Variants in NIPBL observed in about 807,000 individuals in gnomAD.
NIPBL encodes the protein NIPBL cohesin loading factor, also known as nipped-B-like protein.
NIPBL carries 19 observed loss-of-function variants against 321.8 expected under a neutral mutation model. The ratio of observed to expected loss-of-function variants is 0.06; its 90% CI spans 0.04 to 0.09. The LOEUF (loss-of-function observed/expected upper bound fraction) is 0.09. Among genes scored for constraint, NIPBL ranks in the 10% least tolerant of loss-of-function variants. The pLI is 1.00. For synonymous variants in NIPBL, 1,106 were observed against 1,114.1 expected (o/e 0.99, Z 0.14); for missense variants, 2,210 against 3,327.0 (o/e 0.66, Z 8.26).
At chr5:37,020,354 A>C in intron 25 of NIPBL, 105 bp from the exon 26 acceptor site, 1 of 800,596 alleles carries the variant, frequency 1.2e-6, no homozygotes, top group South Asian at 1.6e-5. Flanking sequence ...GTTTTAAAGT[A>C]AACTTTAATA....
At chr5:37,032,003 C>G (rs920213283) in intron 32 of NIPBL, among the ~76,000 whole-genome samples, 1 of 152,142 alleles carries the variant, frequency 6.6e-6, no homozygotes. Flanking sequence ...TGGTCCCTAT[C>G]AGTGGTTCTA....
intron 31 of NIPBL, among the ~76,000 whole-genome samples, 169 bp downstream of exon 31, chr5:37,026,496 G>A (rs1418535795): frequency 1.3e-5 from 2 of 152,108 alleles, no homozygotes; most frequent in African/African-American, 4.8e-5. Context: ...CAAGTAACAT[G>A]TCGTTGATGC....
chr5:37,052,047 C>T (rs1397964073), intron 41 of NIPBL, among the ~76,000 whole-genome samples, 161 bp downstream of exon 41: 2 of 152,042 alleles, frequency 1.3e-5, no homozygotes, highest in African/African-American at 4.8e-5. Context: ...GGTGTTTATT[C>T]TAGTCTAAAG....
At chr5:37,018,342 A>G (rs1749226749) in intron 24 of NIPBL, among the ~76,000 whole-genome samples, 1 of 152,186 alleles carries the variant, frequency 6.6e-6, no homozygotes, top group African/African-American at 2.4e-5. Context: ...TACTCTGGTA[A>G]ATTATAATTT....
chr5:37,062,503 G>A lies in NIPBL; in HGVS notation c.7861-1287G>A, dbSNP rs139979857. On this transcript the variant is annotated intron_variant, in intron 45 of 46. Transcript: ENST00000282516. The stretch of plus-strand genomic sequence containing the variant: ...ACCAAGGACCGGGGAAGGAAAGAAC[G>A]GGGAGTTATTGTTTAATGAGGACAG... Among the ~76,000 whole-genome samples the A allele has an allele frequency of 3.4e-3, 512 of 151,968 alleles. 1 individual carries two copies. Among genetic ancestry groups the A allele is most frequent in the Non-Finnish European group, 5.0e-3 (340 of 67,972 alleles).
At position 37,045,446 on chromosome 5, in the gene NIPBL, C is replaced by T; in HGVS notation, c.6347C>T (p.Ala2116Val). The T allele has an allele frequency of 3.1e-6, 5 of 1,601,908 alleles. No homozygotes were observed. Among genetic ancestry groups the T allele is most frequent in the Non-Finnish European group, 3.4e-6 (4 of 1,169,646 alleles). ...AAATATTACTTATCTTTATTAGGTG[C>T]CATTTCAAAATTAAAAAGTCAACAC... Reference protein sequence around the residue: ...VWACFNRYYGAISKLKSQHQE... With the variant: ...VWACFNRYYGVISKLKSQHQE... Residue 2116 changes from alanine (A) to valine (V), a missense_variant, in exon 37 of 47, where the codon GCC (alanine) becomes GTC (valine). Physicochemically the swap from Ala to Val is moderately conservative, Grantham distance 64. Transcript: ENST00000282516.
At chr5:37,007,982 A>G (rs1183823484) in intron 18 of NIPBL, 26 bp from the exon 19 acceptor site, 1 of 1,335,428 alleles carries the variant, frequency 7.5e-7, no homozygotes, top group South Asian at 1.2e-5. Flanking sequence ...AAAGGTGTAT[A>G]CTACTTACTC....
In NIPBL at chr5:36,953,627, A is replaced by G; in HGVS notation, c.-70A>G. On this transcript the variant is annotated 5_prime_UTR_variant, in exon 2 of 47. Transcript: ENST00000282516. ...GTTTTGTGTGTTGCAGTGTTTGGGAAATGGGAAGTAATGACAGCTGGCACC... is the reference window on the plus strand; with the variant it reads ...GTTTTGTGTGTTGCAGTGTTTGGGAGATGGGAAGTAATGACAGCTGGCACC... The G allele has an allele frequency of 8.4e-7, 1 of 1,195,636 alleles. No individual in the cohort carries two copies. Among genetic ancestry groups the G allele is most frequent in the Non-Finnish European group, 1.3e-6 (1 of 797,802 alleles). The allele number at this position is 1,195,636 out of a possible 1,614,324, so 74.1% of individuals were successfully genotyped here. A position where few individuals can be genotyped will look rare whatever the true frequency, so the allele number is the denominator to read the frequency against.
chr5:36,955,687 A>G (rs1163783924), intron 3 of NIPBL, 50 bp downstream of exon 3: 1 of 1,469,446 alleles, frequency 6.8e-7, no homozygotes, highest in Admixed American at 1.7e-5. Flanking sequence ...TTTTGGCCTT[A>G]CTAAGAGAAT....
intron 1 of NIPBL, among the ~76,000 whole-genome samples, chr5:36,889,586 C>G (rs923470707): frequency 6.6e-6 from 1 of 152,142 alleles, no homozygotes; most frequent in African/African-American, 2.4e-5. Flanking sequence ...TTACAATAAG[C>G]TTGTAACTGT....
At chr5:36,960,334 T>C (rs998150991) in intron 4 of NIPBL, among the ~76,000 whole-genome samples, 1 of 151,438 alleles carries the variant, frequency 6.6e-6, no homozygotes, top group Non-Finnish European at 1.5e-5. Context: ...TTTTAACTCC[T>C]GTCTCATTGA....
chr5:36,908,725 CAT>C (rs2149542876), intron 1 of NIPBL, among the ~76,000 whole-genome samples: 2 of 152,238 alleles, frequency 1.3e-5, no homozygotes, highest in Non-Finnish European at 2.9e-5. Flanking sequence ...CACTGCCAAA[CAT>C]GTGCATTAAA....
intron 40 of NIPBL, 91 bp from the exon 41 acceptor site, chr5:37,051,686 CAT>C (rs1753561913): frequency 1.2e-6 from 1 of 813,112 alleles, no homozygotes; most frequent in Non-Finnish European, 2.1e-6. Flanking sequence ...AGGTTAAATT[CAT>C]ATATCTCAGA....
intron 31 of NIPBL, among the ~76,000 whole-genome samples, chr5:37,026,588 A>G (rs1750295004): frequency 6.6e-6 from 1 of 152,216 alleles, no homozygotes; most frequent in Non-Finnish European, 1.5e-5. Context: ...AATTAAAAAC[A>G]GGGAGGGAAA....
chr5:36,975,956 C>T lies in NIPBL; in HGVS notation c.1049C>T (p.Ser350Phe). 1 of 1,613,948 alleles carries T rather than the reference C, an allele frequency of 6.2e-7. No individual in the cohort carries two copies. Among genetic ancestry groups the T allele is most frequent in the African/African-American group, 1.3e-5 (1 of 75,036 alleles). ...EKAAMYDIIS[S>F]PSKDSTKLTL... Reference sequence around the variant, plus strand: ...GCGGCAATGTATGATATAATTAGTTCTCCATCCAAGGACTCTACTAAACTT... The same window carrying T: ...GCGGCAATGTATGATATAATTAGTTTTCCATCCAAGGACTCTACTAAACTT... The change falls in exon 9 of 47, where the codon TCT becomes TTT. Residue 350 changes from serine (S) to phenylalanine (F), a missense_variant. Around this residue, in one of 14 missense-constraint regions of NIPBL, gnomAD observed 464 missense variants for 529.5 expected, o/e 0.88. Coordinates refer to ENST00000282516, the MANE Select transcript of NIPBL (RefSeq NM_133433.4).
chr5:36,928,426 C>CAGTA (rs765258032), intron 1 of NIPBL, among the ~76,000 whole-genome samples: 13 of 152,042 alleles, frequency 8.6e-5, no homozygotes, highest in Non-Finnish European at 1.9e-4. Flanking sequence ...TGTATATGAT[C>CAGTA]AGTATGTACA....
chr5:36,914,755 A>G (rs914972538), intron 1 of NIPBL, among the ~76,000 whole-genome samples: 11 of 152,168 alleles, frequency 7.2e-5, no homozygotes, highest in African/African-American at 2.4e-5. Context: ...TATATTGACT[A>G]TTTCTCACAT....
chr5:36,959,550 C>T (rs1043055320), intron 4 of NIPBL, among the ~76,000 whole-genome samples: 1 of 152,006 alleles, frequency 6.6e-6, no homozygotes, highest in Non-Finnish European at 1.5e-5. Flanking sequence ...GTTATGACGG[C>T]TTTCTGGAAA....
chr5:37,060,772 C>A, intron 44 of NIPBL, 72 bp from the exon 45 acceptor site: 1 of 1,289,016 alleles, frequency 7.8e-7, no homozygotes, highest in Non-Finnish European at 1.1e-6. Context: ...GTGCTTCCTA[C>A]CTATAATTGG....
Sources: allele counts gnomAD v4.1 joint callset (sites outside exome capture counted in the v4.1 genomes callset), GRCh38; gene constraint gnomAD v4.1.1; regional missense constraint gnomAD v4.1.1; transcripts MANE v1.5; gene names NCBI Gene and HGNC (gene_info 2026-07-23, HGNC 2026-07-21).